The following ACVR1C variants were observed in gnomAD, a reference collection of about 807,000 sequenced individuals.
ACVR1C encodes activin receptor type-1C.
In ACVR1C, 23 loss-of-function variants were observed where a neutral mutation model predicts 57.9. The ratio of observed to expected loss-of-function variants is 0.40; its 90% CI spans 0.29 to 0.56. The LOEUF (loss-of-function observed/expected upper bound fraction) is 0.56. ACVR1C is among the 20% of genes least tolerant of loss of function. ACVR1C has a pLI of 0.50. For synonymous variants in ACVR1C, 214 were observed against 215.3 expected (o/e 0.99, Z 0.05); for missense variants, 480 against 607.9 (o/e 0.79, Z 2.21).
At chr2:157,552,408 C>T (rs1399039239) in intron 3 of ACVR1C, among the ~76,000 whole-genome samples, 1 of 152,226 alleles carries the variant, frequency 6.6e-6, no homozygotes, top group East Asian at 1.9e-4. Context: ...ACTGGGATTA[C>T]AGGCGTGAGC....
chr2:157,527,545 A>G lies in ACVR1C; in HGVS notation c.*6373T>C, dbSNP rs146125833. The G allele has an allele frequency of 1.2e-3, 186 of 152,288 alleles. No homozygotes were observed. The highest frequency in any genetic ancestry group is 4.3e-3 in the African/African-American group (180 of 41,568). The allele number at this position is 152,288 out of a possible 1,614,324, so 9.4% of individuals were successfully genotyped here. A position where few individuals can be genotyped will look rare whatever the true frequency, so the allele number is the denominator to read the frequency against. ...GTCAATCCAAAATTCCTTTTTTGAG[A>G]TCTGAATCTAATTTTCTGTTTTTAG... On this transcript the variant is annotated 3_prime_UTR_variant, in exon 9 of 9. Coordinates refer to ENST00000243349, the MANE Select transcript of ACVR1C (RefSeq NM_145259.3).
chr2:157,538,811 C>CTGGAAAG lies in ACVR1C; in HGVS notation c.1226-115_1226-109dup, dbSNP rs776664454. On this transcript the variant is annotated intron_variant, in intron 7 of 8. Transcript: ENST00000243349. ...TAGGCACAAGTGACACCCCAGGGAA[C>CTGGAAAG]TGGAAAGTCAAGTTTATTAAAATAA... The CTGGAAAG allele has an allele frequency of 3.8e-5, 34 of 890,404 alleles. No individual in the cohort carries two copies. The South Asian group carries it at 1.3e-3, about 33-fold the overall frequency. 55.2% of individuals were successfully genotyped at this position (890,404 alleles called of 1,614,324 possible).
chr2:157,579,887 G>C (rs1473551326), intron 2 of ACVR1C, among the ~76,000 whole-genome samples: 1 of 151,990 alleles, frequency 6.6e-6, no homozygotes, highest in Non-Finnish European at 1.5e-5. Flanking sequence ...CCATCTAATA[G>C]GTGGGAAAAA....
chr2:157,606,039 T>C (rs1019785599), intron 1 of ACVR1C, among the ~76,000 whole-genome samples: 1 of 151,738 alleles, frequency 6.6e-6, no homozygotes, highest in Non-Finnish European at 1.5e-5. Context: ...CACATATGAA[T>C]GAGAACATAT....
chr2:157,626,024 G>T (rs985834920), intron 1 of ACVR1C, among the ~76,000 whole-genome samples: 2 of 152,170 alleles, frequency 1.3e-5, no homozygotes, highest in Admixed American at 1.3e-4. Context: ...CTGGAGTGCA[G>T]TGGTGTGATC....
intron 1 of ACVR1C, among the ~76,000 whole-genome samples, chr2:157,612,583 A>G (rs1302353950): frequency 1.3e-5 from 2 of 152,052 alleles, no homozygotes; most frequent in Non-Finnish European, 2.9e-5. Flanking sequence ...TGCAAGCCCA[A>G]CGTCAGAGTC....
chr2:157,552,739 A>G (rs1687952068), intron 3 of ACVR1C, among the ~76,000 whole-genome samples: 1 of 152,232 alleles, frequency 6.6e-6, no homozygotes, highest in Non-Finnish European at 1.5e-5. Flanking sequence ...TACTCGAGAC[A>G]GCAATTAAAT....
intron 1 of ACVR1C, among the ~76,000 whole-genome samples, chr2:157,621,436 T>C (rs1031404407): frequency 2.6e-5 from 4 of 152,172 alleles, no homozygotes; most frequent in African/African-American, 9.7e-5. Flanking sequence ...TCCATCCTTT[T>C]ACTTTTTACT....
intron 1 of ACVR1C, among the ~76,000 whole-genome samples, chr2:157,591,356 G>A (rs1689052269): frequency 6.6e-6 from 1 of 151,946 alleles, no homozygotes; most frequent in South Asian, 2.1e-4. Context: ...TGACTTTGGA[G>A]AAGACATTTA....
At chr2:157,593,429 CTT>C (rs1202852944) in intron 1 of ACVR1C, among the ~76,000 whole-genome samples, 1 of 152,194 alleles carries the variant, frequency 6.6e-6, no homozygotes, top group Admixed American at 6.5e-5. Flanking sequence ...GACATAAACT[CTT>C]TCTTCTTTTC....
rs373425575 is a variant in ACVR1C, at chr2:157,581,223, A to G, written c.304+5964T>C. Among the ~76,000 whole-genome samples, 60 of 152,342 alleles carry G rather than the reference A, an allele frequency of 3.9e-4. No individual in the cohort carries two copies. The East Asian group carries it at 9.4e-3, about 24-fold the overall frequency. ...GAGCTCACAATAAAATAAATCATTA[A>G]AAAACACAAGGAAAGAAGTCACCAA... On this transcript the variant is annotated intron_variant, in intron 2 of 8. Coordinates refer to ENST00000243349, the MANE Select transcript of ACVR1C (RefSeq NM_145259.3).
chr2:157,578,286 T>G (rs540045544), intron 2 of ACVR1C, among the ~76,000 whole-genome samples: 62 of 152,320 alleles, frequency 4.1e-4, no homozygotes, highest in African/African-American at 1.3e-3. Flanking sequence ...CATTCTATTC[T>G]TTTAAAAGTA....
chr2:157,557,703 A>T (rs987516498), intron 2 of ACVR1C, among the ~76,000 whole-genome samples: 1 of 152,194 alleles, frequency 6.6e-6, no homozygotes, highest in African/African-American at 2.4e-5. Context: ...AAGAGACAAG[A>T]CTTTTCATTT....
intron 3 of ACVR1C, among the ~76,000 whole-genome samples, chr2:157,552,684 T>A (rs954918491): frequency 1.5e-4 from 23 of 152,168 alleles, no homozygotes; most frequent in Admixed American, 6.5e-5. Flanking sequence ...AAGTACATAA[T>A]CAGTGGTGCA....
At chr2:157,566,923 A>T (rs1688402901) in intron 2 of ACVR1C, among the ~76,000 whole-genome samples, 1 of 147,398 alleles carries the variant, frequency 6.8e-6, no homozygotes. Context: ...GGGCACAGAC[A>T]AACAAAAAGA....
chr2:157,602,503 G>A lies in ACVR1C; in HGVS notation c.74-15086C>T, dbSNP rs561915766. Among the ~76,000 whole-genome samples, 316 of 152,158 alleles carry A rather than the reference G, an allele frequency of 2.1e-3. 2 individuals are homozygous for A. Among genetic ancestry groups the A allele is most frequent in the Middle Eastern group, 3.4e-3 (1 of 294 alleles). Reference sequence around the variant, plus strand: ...AACTTTTAGATGTACAATCTGAAACGTTTATCTCAAGTCCTAAAAATATTT... The same window carrying A: ...AACTTTTAGATGTACAATCTGAAACATTTATCTCAAGTCCTAAAAATATTT... On this transcript the variant is annotated intron_variant, in intron 1 of 8. Coordinates refer to ENST00000243349, the MANE Select transcript of ACVR1C (RefSeq NM_145259.3).
intron 1 of ACVR1C, among the ~76,000 whole-genome samples, chr2:157,591,802 C>T (rs1296706476): frequency 1.3e-5 from 2 of 151,976 alleles, no homozygotes; most frequent in Non-Finnish European, 1.5e-5. Context: ...CATATAATCC[C>T]ACTGCAACTG....
intron 8 of ACVR1C, 77 bp downstream of exon 8, chr2:157,538,496 T>G: frequency 1.5e-6 from 2 of 1,303,558 alleles, no homozygotes; most frequent in Non-Finnish European, 2.0e-6. Flanking sequence ...GGAAAAACTA[T>G]ATGGTCTCTG....
In ACVR1C at chr2:157,579,660, G is replaced by A. The variant is rs574051115; in HGVS notation, c.304+7527C>T. Among the ~76,000 whole-genome samples the A allele has an allele frequency of 6.6e-4, 101 of 152,204 alleles. 1 individual carries two copies. The highest frequency in any genetic ancestry group is 2.4e-3 in the African/African-American group (99 of 41,522). On this transcript the variant is annotated intron_variant, in intron 2 of 8. Coordinates refer to ENST00000243349, the MANE Select transcript of ACVR1C (RefSeq NM_145259.3). ...CTTTCCTGTTGTCCTTATTCATACT[G>A]CCTCACATGCTTGTATGCTTGGTTA... is the stretch of plus-strand genomic sequence containing the variant.
Sources: allele counts gnomAD v4.1 joint callset (sites outside exome capture counted in the v4.1 genomes callset), GRCh38; gene constraint gnomAD v4.1.1; transcripts MANE v1.5; gene names NCBI Gene and HGNC (gene_info 2026-07-23, HGNC 2026-07-21).